The following TLE3 variants were observed in gnomAD, a reference collection of about 807,000 sequenced individuals.
The protein encoded by TLE3 is TLE family member 3, transcriptional corepressor.
Under a neutral mutation model 93.0 loss-of-function variants are expected in TLE3, and 14 were observed. The ratio of observed to expected loss-of-function variants is 0.15; its 90% CI spans 0.10 to 0.24. TLE3 has a LOEUF of 0.24. Among genes scored for constraint, TLE3 ranks in the 10% least tolerant of loss-of-function variants. The pLI, the probability that TLE3 is intolerant of heterozygous loss-of-function variation, is 1.00. For synonymous variants in TLE3, 451 were observed against 425.0 expected (o/e 1.06, Z -0.75); for missense variants, 693 against 1,046.6 (o/e 0.66, Z 4.66).
Position 70,094,556 on chromosome 15 carries a change from G to A in TLE3, c.210C>T (p.Gly70=), listed in dbSNP as rs1298835999. 6.4e-6 allele frequency: 10 copies of A among 1,558,396 alleles called. No individual in the cohort carries two copies. The highest frequency in any genetic ancestry group is 1.2e-5 in the South Asian group (1 of 83,644). Residue 70 remains glycine (G), a synonymous_variant, in exon 4 of 20, where the codon GGC becomes GGT. Coordinates refer to ENST00000451782, the MANE Select transcript of TLE3 (RefSeq NM_001105192.3). ...CCTGCTTGTGCATTTCAATGTTCAA[G>A]CCATAGGACATCTCATAGTACTAAA... The part of the protein sequence containing the change: ...HYVMYYEMSY[G]LNIEMHKQTE...
chr15:70,072,088 G>A (rs112989849), intron 6 of TLE3, among the ~76,000 whole-genome samples: 5 of 152,166 alleles, frequency 3.3e-5, no homozygotes, highest in African/African-American at 4.8e-5. Context: ...ATGACAGGGC[G>A]ATGGCTGCAT....
At chr15:70,096,341 G>A (rs2058561300) in intron 1 of TLE3, 80 bp from the exon 2 acceptor site, 15 of 1,521,682 alleles carry the variant, frequency 9.9e-6, no homozygotes, top group Non-Finnish European at 1.2e-5. Context: ...CCTCCCCAAC[G>A]GCGCCCAACC....
chr15:70,076,571 T>C (rs1595950378), intron 4 of TLE3, among the ~76,000 whole-genome samples: 3 of 152,170 alleles, frequency 2.0e-5, no homozygotes, highest in Admixed American at 6.5e-5. Context: ...CCAGTGCCAA[T>C]AGGACATGAG....
chr15:70,095,351 G>A, intron 3 of TLE3: 1 of 1,430,848 alleles, frequency 7.0e-7, no homozygotes, highest in Non-Finnish European at 9.1e-7. Flanking sequence ...TCTCCGGCCT[G>A]GAATCGGGGT....
At chr15:70,083,938 G>A (rs747675236) in intron 4 of TLE3, among the ~76,000 whole-genome samples, 12 of 152,178 alleles carry the variant, frequency 7.9e-5, no homozygotes, top group Non-Finnish European at 1.2e-4. Context: ...TACCTGTTCC[G>A]TAAATTAAAA....
At chr15:70,069,184 G>A (rs1179916745) in intron 6 of TLE3, among the ~76,000 whole-genome samples, 1 of 152,216 alleles carries the variant, frequency 6.6e-6, no homozygotes, top group Admixed American at 6.5e-5. Flanking sequence ...TGTCTTGTGG[G>A]TAAATTAGTG....
intron 4 of TLE3, among the ~76,000 whole-genome samples, chr15:70,092,058 A>T (rs2142048872): frequency 6.7e-6 from 1 of 149,308 alleles, no homozygotes; most frequent in Admixed American, 6.9e-5. Flanking sequence ...AGAGGGCAGG[A>T]CACTGCATGA....
intron 18 of TLE3, among the ~76,000 whole-genome samples, 186 bp downstream of exon 18, chr15:70,052,188 G>T (rs2055610735): frequency 6.6e-6 from 1 of 152,216 alleles, no homozygotes; most frequent in Non-Finnish European, 1.5e-5. Context: ...ATCTGCATCC[G>T]AGAAACAAGG....
intron 7 of TLE3, among the ~76,000 whole-genome samples, chr15:70,065,293 T>G (rs1311033786): frequency 6.6e-6 from 1 of 152,214 alleles, no homozygotes; most frequent in Admixed American, 6.5e-5. Flanking sequence ...GAGCCAGGCT[T>G]TTCTCTTTTC....
chr15:70,067,553 T>C (rs1359423309), intron 6 of TLE3, among the ~76,000 whole-genome samples: 2 of 152,168 alleles, frequency 1.3e-5, no homozygotes. Flanking sequence ...GAAAGTGCCA[T>C]AGAGAATAGA....
At chr15:70,085,158 G>A (rs2057984594) in intron 4 of TLE3, among the ~76,000 whole-genome samples, 2 of 152,204 alleles carry the variant, frequency 1.3e-5, no homozygotes, top group South Asian at 2.1e-4. Context: ...TGCCGCAACA[G>A]GCAGGTGTTA....
At chr15:70,065,942 C>T (rs1759119998) in intron 7 of TLE3, 72 bp downstream of exon 7, 1 of 1,468,030 alleles carries the variant, frequency 6.8e-7, no homozygotes, top group African/African-American at 1.4e-5. Context: ...GCTGGGTCCA[C>T]TCACTGTGAG....
Position 70,096,280 on chromosome 15 carries a change from A to C in TLE3, c.25-19T>G. The C allele has an allele frequency of 1.9e-6, 3 of 1,550,338 alleles. No homozygotes were observed. The highest frequency in any genetic ancestry group is 2.6e-6 in the Non-Finnish European group (3 of 1,146,974). On this transcript the variant is annotated intron_variant, in intron 1 of 19. Coordinates refer to ENST00000451782, the MANE Select transcript of TLE3 (RefSeq NM_001105192.3). ...GGGGAGCCTGGAGCCCGCGAAGACA[A>C]GACAGGGGAGGGGGCGGGGGCATGA...
Position 70,058,140 on chromosome 15 carries a change from T to C in TLE3, c.1051+19A>G, listed in dbSNP as rs1457006625. The C allele has an allele frequency of 6.2e-7, 1 of 1,613,740 alleles. No homozygotes were observed. The highest frequency in any genetic ancestry group is 8.5e-7 in the Non-Finnish European group (1 of 1,179,738). On this transcript the variant is annotated intron_variant, in intron 12 of 19. Transcript: ENST00000451782. This position sits in a 1 kb window ranked among gnomAD's most constrained non-coding sequence, Gnocchi z 4.1. ...CCCCCAATCAGATTAACCCAGCCCA[T>C]GGTGCCTACCCATTATACCTATCGG... is the stretch of plus-strand genomic sequence containing the variant.
chr15:70,081,270 C>T (rs1394248418), intron 4 of TLE3, among the ~76,000 whole-genome samples: 4 of 152,184 alleles, frequency 2.6e-5, no homozygotes, highest in African/African-American at 7.2e-5. Flanking sequence ...CCTAAATATT[C>T]CCGAATTGGC....
chr15:70,053,061 C>T (rs1394380925), intron 17 of TLE3, 166 bp downstream of exon 17: 2 of 825,592 alleles, frequency 2.4e-6, no homozygotes, highest in South Asian at 2.1e-5. Context: ...CCATCTGTTT[C>T]ACTGCTGCTT....
At chr15:70,069,747 C>G (rs2057032009) in intron 6 of TLE3, among the ~76,000 whole-genome samples, 1 of 152,258 alleles carries the variant, frequency 6.6e-6, no homozygotes, top group Non-Finnish European at 1.5e-5. Context: ...TAACAACAAT[C>G]TTGGGTACAA....
At chr15:70,064,902 G>GT (rs1235295925) in intron 7 of TLE3, among the ~76,000 whole-genome samples, 3 of 65,698 alleles carry the variant, frequency 4.6e-5, no homozygotes, top group Non-Finnish European at 8.6e-5. Flanking sequence ...GAACTTTATT[G>GT]TTAAAAAAAA....
chr15:70,095,509 A>C (rs983833176), intron 3 of TLE3, 69 bp downstream of exon 3: 1 of 1,546,558 alleles, frequency 6.5e-7, no homozygotes, highest in African/African-American at 1.4e-5. Flanking sequence ...TCATCTCCCC[A>C]GATCCACGCC....
Sources: gnomAD v4.1 joint callset for allele counts (sites outside exome capture counted in the v4.1 genomes callset) on GRCh38, gnomAD v4.1.1 for gene constraint, Gnocchi (gnomAD v3.1) non-coding constraint, MANE v1.5 for transcripts, NCBI Gene and HGNC (gene_info 2026-07-23, HGNC 2026-07-21) for gene names.